The following P4HA1 variants were observed in gnomAD, a reference collection of about 807,000 sequenced individuals.
P4HA1 encodes prolyl 4-hydroxylase subunit alpha 1.
In P4HA1, 24 loss-of-function variants were observed where a neutral mutation model predicts 72.8. That is an observed-to-expected ratio of 0.33 (90% confidence interval 0.24 to 0.46). The LOEUF is 0.46. Ranked by LOEUF, P4HA1 falls within the 20% of genes least tolerant of loss-of-function variation. The probability of loss-of-function intolerance (pLI) is 1.00; values close to 1 mark genes in which losing one functional copy is unlikely to be tolerated. For missense variants in P4HA1, 446 were observed against 640.6 expected, an observed-to-expected ratio of 0.70 and a Z score of 3.28; for synonymous variants, 201 against 218.8, an observed-to-expected ratio of 0.92 and a Z score of 0.72.
intron 10 of P4HA1, among the ~76,000 whole-genome samples, chr10:73,025,659 C>G (rs111288599): frequency 0.16 from 23,610 of 151,418 alleles, 3,073 homozygotes; most frequent in African/African-American, 0.34. Flanking sequence ...ATTAGGAAAA[C>G]AGGAAGTCAA....
In P4HA1 at chr10:73,053,552, A is replaced by T; in HGVS notation, c.502T>A (p.Phe168Ile). The change falls in exon 6 of 15, where the codon TTT becomes ATT. Residue 168 changes from phenylalanine (F) to isoleucine (I), a missense_variant. Physicochemically the swap from Phe to Ile is conservative, Grantham distance 21. Coordinates refer to ENST00000394890, the MANE Select transcript of P4HA1 (RefSeq NM_001017962.3). ...HKSFLTAEDC[F>I]ELGKVAYTEA... ...GTATAGGCCACTTTGCCCAACTCAA[A>T]GCAGTCCTCAGCCGTTAGAAAAGAT... The T allele has an allele frequency of 6.2e-7, 1 of 1,613,984 alleles. No homozygotes were observed. The highest frequency in any genetic ancestry group is 8.5e-7 in the Non-Finnish European group (1 of 1,179,886).
intron 6 of P4HA1, 145 bp from the exon 7 acceptor site, chr10:73,051,394 T>A (rs997224091): frequency 3.0e-5 from 17 of 567,456 alleles, no homozygotes; most frequent in Non-Finnish European, 4.6e-5. Context: ...CTAATAAAAA[T>A]TATTATACCA....
chr10:73,025,086 C>T (rs1840233508), intron 10 of P4HA1, among the ~76,000 whole-genome samples: 1 of 152,188 alleles, frequency 6.6e-6, no homozygotes, highest in East Asian at 1.9e-4. Context: ...CCTTCTGAAA[C>T]TATTCCAATC....
chr10:73,087,944 T>C (rs1017591812), intron 1 of P4HA1, among the ~76,000 whole-genome samples: 1 of 152,250 alleles, frequency 6.6e-6, no homozygotes, highest in Non-Finnish European at 1.5e-5. Flanking sequence ...TGTTCATTTA[T>C]GAATCATGTT....
At chr10:73,012,081 T>G (rs1015982559) in intron 12 of P4HA1, among the ~76,000 whole-genome samples, 1 of 152,106 alleles carries the variant, frequency 6.6e-6, no homozygotes, top group Non-Finnish European at 1.5e-5. Flanking sequence ...TGATAATCAA[T>G]TAAAATGCTA....
Position 73,047,016 on chromosome 10 carries a change from T to G in P4HA1, c.986A>C (p.Glu329Ala), listed in dbSNP as rs1447449017. ...AATACGAGGCTTGTCCCATTCATCC[T>G]CCTGTTTAGCTGGAGCCAGAATAAA... ...PKFILAPAKQ[E>A]DEWDKPRIIR... The change falls in exon 8 of 15, where the codon GAG becomes GCG. Residue 329 changes from glutamate to alanine, a missense_variant. Transcript: ENST00000394890. The G allele has an allele frequency of 6.2e-7, 1 of 1,613,188 alleles. No homozygotes were observed. The highest frequency in any genetic ancestry group is 1.7e-5 in the Admixed American group (1 of 60,014).
intron 1 of P4HA1, among the ~76,000 whole-genome samples, chr10:73,080,532 C>G (rs1461124783): frequency 2.0e-5 from 3 of 152,226 alleles, no homozygotes; most frequent in Non-Finnish European, 4.4e-5. Flanking sequence ...GAATGGTTCT[C>G]TAATCTGTTT....
At chr10:73,047,922 CT>C in intron 7 of P4HA1, among the ~76,000 whole-genome samples, 1 of 152,192 alleles carries the variant, frequency 6.6e-6, no homozygotes, top group East Asian at 1.9e-4. Flanking sequence ...CATGAGGGCA[CT>C]TGCCTGTAGT....
intron 1 of P4HA1, among the ~76,000 whole-genome samples, chr10:73,075,725 A>G (rs1841681571): frequency 6.7e-6 from 1 of 148,764 alleles, no homozygotes; most frequent in Non-Finnish European, 1.5e-5. Context: ...TTTCATATAT[A>G]TTTTATATAT....
intron 5 of P4HA1, among the ~76,000 whole-genome samples, chr10:73,058,867 C>T (rs996209355): frequency 1.3e-5 from 2 of 150,928 alleles, no homozygotes; most frequent in Admixed American, 6.6e-5. Context: ...CTCCGTGCCC[C>T]GCCGGGTTCA....
intron 1 of P4HA1, among the ~76,000 whole-genome samples, chr10:73,078,976 A>C (rs1459909504): frequency 3.9e-5 from 6 of 152,148 alleles, no homozygotes; most frequent in African/African-American, 1.4e-4. Flanking sequence ...TAGTGACAAA[A>C]AAATTAACTT....
intron 8 of P4HA1, among the ~76,000 whole-genome samples, chr10:73,046,287 C>G (rs962414406): frequency 6.6e-5 from 10 of 152,048 alleles, no homozygotes; most frequent in African/African-American, 2.2e-4. Context: ...TCAAGAAGAC[C>G]AAATATGTTT....
chr10:73,077,068 C>T (rs1841713880), intron 1 of P4HA1, among the ~76,000 whole-genome samples: 1 of 152,198 alleles, frequency 6.6e-6, no homozygotes, highest in African/African-American at 2.4e-5. Context: ...CTTTTGGCTA[C>T]CTTACAGTGA....
At chr10:73,055,123 G>T (rs981258348) in intron 5 of P4HA1, among the ~76,000 whole-genome samples, 5 of 152,112 alleles carry the variant, frequency 3.3e-5, no homozygotes, top group Non-Finnish European at 7.4e-5. Flanking sequence ...GTCCTGGCTA[G>T]CTGAGAGGCT....
At chr10:73,063,248 G>A (rs1841350125) in intron 5 of P4HA1, among the ~76,000 whole-genome samples, 1 of 152,222 alleles carries the variant, frequency 6.6e-6, no homozygotes, top group Non-Finnish European at 1.5e-5. Flanking sequence ...ATTGTCTAGT[G>A]AGGGCTGCTC....
intron 6 of P4HA1, 54 bp from the exon 7 acceptor site, chr10:73,051,303 A>T (rs909144484): frequency 2.6e-4 from 242 of 932,552 alleles, no homozygotes; most frequent in Middle Eastern, 2.4e-4. Context: ...TTGTTCAAGC[A>T]TCAGAATATA....
At chr10:73,079,012 T>C (rs1841767174) in intron 1 of P4HA1, among the ~76,000 whole-genome samples, 2 of 152,226 alleles carry the variant, frequency 1.3e-5, no homozygotes, top group Admixed American at 1.3e-4. Flanking sequence ...ACCTAAAGCA[T>C]TAACTCTCAT....
chr10:73,058,879 G>A (rs1235080272), intron 5 of P4HA1, among the ~76,000 whole-genome samples: 1 of 148,910 alleles, frequency 6.7e-6, no homozygotes, highest in African/African-American at 2.5e-5. Context: ...CCGGGTTCAA[G>A]AAATTCTCGT....
At chr10:73,028,603 T>G (rs1347932104) in intron 10 of P4HA1, among the ~76,000 whole-genome samples, 2 of 152,082 alleles carry the variant, frequency 1.3e-5, no homozygotes, top group African/African-American at 4.8e-5. Flanking sequence ...AGCTAATTTT[T>G]TTGTATTTTT....
Sources: allele counts gnomAD v4.1 joint callset (sites outside exome capture counted in the v4.1 genomes callset), GRCh38; gene constraint gnomAD v4.1.1; transcripts MANE v1.5; gene names NCBI Gene and HGNC (gene_info 2026-07-23, HGNC 2026-07-21).